Variants in CACNB4 observed in about 807,000 individuals in gnomAD.
The protein encoded by CACNB4 is calcium voltage-gated channel auxiliary subunit beta 4.
In CACNB4, 32 loss-of-function variants were observed where a neutral mutation model predicts 71.2. That is an observed-to-expected ratio of 0.45 (90% CI 0.34 to 0.60). CACNB4 has a LOEUF of 0.60. Ranked by LOEUF, CACNB4 falls within the 20% of genes least tolerant of loss-of-function variation. The probability of loss-of-function intolerance (pLI) is 0.01; values close to 1 mark genes in which losing one functional copy is unlikely to be tolerated. For synonymous variants in CACNB4, 231 were observed against 236.9 expected, an observed-to-expected ratio of 0.97 and a Z score of 0.23; for missense variants, 464 against 647.9, an observed-to-expected ratio of 0.72 and a Z score of 3.08.
chr2:152,001,748 C>T (rs78017228), intron 2 of CACNB4, among the ~76,000 whole-genome samples: 2,860 of 150,086 alleles, frequency 0.019, 36 homozygotes, highest in Middle Eastern at 0.028. Flanking sequence ...ATGAGTTTTA[C>T]GGGTAACAAG....
chr2:152,075,267 C>T (rs1035671167), intron 2 of CACNB4, among the ~76,000 whole-genome samples: 3 of 152,232 alleles, frequency 2.0e-5, no homozygotes, highest in Non-Finnish European at 1.5e-5. Flanking sequence ...GATGCCACAA[C>T]TGATTCCATC....
chr2:152,018,806 A>AACACACACACACACACACAC (rs10600477), intron 2 of CACNB4, among the ~76,000 whole-genome samples: 42 of 146,680 alleles, frequency 2.9e-4, no homozygotes, highest in African/African-American at 1.0e-3. Flanking sequence ...CCTGTCTCAA[A>AACACACACACACACACACAC]ACACACACAC....
At chr2:151,999,812 T>C (rs1394020965) in intron 2 of CACNB4, among the ~76,000 whole-genome samples, 1 of 152,226 alleles carries the variant, frequency 6.6e-6, no homozygotes, top group Non-Finnish European at 1.5e-5. Context: ...TATCAGTGTG[T>C]GCTTTGTTAA....
intron 2 of CACNB4, among the ~76,000 whole-genome samples, chr2:152,023,197 A>C (rs908886649): frequency 3.3e-5 from 5 of 152,080 alleles, no homozygotes; most frequent in Non-Finnish European, 2.9e-5. Flanking sequence ...AAACCATCAG[A>C]TCTCGTGATA....
chr2:151,882,725 T>C (rs1332742606), intron 3 of CACNB4, among the ~76,000 whole-genome samples: 1 of 152,240 alleles, frequency 6.6e-6, no homozygotes, highest in Non-Finnish European at 1.5e-5. Flanking sequence ...TCTTGTGGAA[T>C]ATCTGAAGGT....
chr2:151,967,457 A>G (rs1287466490), intron 2 of CACNB4: 1 of 144,450 alleles, frequency 6.9e-6, no homozygotes, highest in Non-Finnish European at 1.6e-5. Flanking sequence ...AGATATGCCC[A>G]ATAGAAGGCA....
intron 2 of CACNB4, among the ~76,000 whole-genome samples, chr2:151,895,001 A>G (rs953745424): frequency 6.6e-6 from 1 of 152,034 alleles, no homozygotes; most frequent in Admixed American, 6.6e-5. Flanking sequence ...AGCAATCTCC[A>G]GATTCACTGT....
intron 2 of CACNB4, among the ~76,000 whole-genome samples, chr2:152,005,514 C>A (rs1682671599): frequency 6.6e-6 from 1 of 152,062 alleles, no homozygotes; most frequent in South Asian, 2.1e-4. Flanking sequence ...ACAATGGAGA[C>A]TTCAAAAGGA....
intron 2 of CACNB4, among the ~76,000 whole-genome samples, chr2:152,054,235 GC>G (rs1260148052): frequency 6.6e-6 from 1 of 151,582 alleles, no homozygotes; most frequent in Non-Finnish European, 1.5e-5. Flanking sequence ...GCGTGGTGGC[GC>G]GCGCCTGTAG....
At chr2:151,898,169 G>A (rs555764204) in intron 2 of CACNB4, among the ~76,000 whole-genome samples, 49 of 152,318 alleles carry the variant, frequency 3.2e-4, no homozygotes, top group African/African-American at 1.0e-3. Context: ...CAAGAAGACA[G>A]TCAGTTCTGG....
At chr2:152,019,907 A>T (rs1683560657) in intron 2 of CACNB4, among the ~76,000 whole-genome samples, 1 of 152,218 alleles carries the variant, frequency 6.6e-6, no homozygotes. Flanking sequence ...AGTCAGCTGT[A>T]CCTATGGTTG....
chr2:151,870,713 G>A, intron 7 of CACNB4, 102 bp from the exon 8 acceptor site: 1 of 1,247,898 alleles, frequency 8.0e-7, no homozygotes, highest in Non-Finnish European at 1.2e-6. Flanking sequence ...AACGACAAAT[G>A]ATTATCAAAG....
intron 2 of CACNB4, among the ~76,000 whole-genome samples, chr2:151,960,604 G>A (rs2099869422): frequency 6.6e-6 from 1 of 152,160 alleles, no homozygotes; most frequent in Non-Finnish European, 1.5e-5. Context: ...TCCAGAGACT[G>A]GAGGGGCATG....
At chr2:152,045,614 AT>A (rs200541597) in intron 2 of CACNB4, among the ~76,000 whole-genome samples, 33 of 59,954 alleles carry the variant, frequency 5.5e-4, no homozygotes, top group African/African-American at 1.9e-3. Context: ...ATTTTACCAC[AT>A]TTTAAAAAAA....
intron 2 of CACNB4, among the ~76,000 whole-genome samples, chr2:151,935,859 A>G (rs1299917341): frequency 6.6e-6 from 1 of 152,214 alleles, no homozygotes; most frequent in African/African-American, 2.4e-5. Context: ...CTTTCCCTTC[A>G]AGGAATATAA....
chr2:152,048,498 GGA>G (rs1560161021), intron 2 of CACNB4: 1 of 152,218 alleles, frequency 6.6e-6, no homozygotes, highest in Non-Finnish European at 1.5e-5. Context: ...ACACTAAAAG[GGA>G]GAGAATAAAA....
rs2099848169 is a variant in CACNB4 at position 151,882,491 on chromosome 2, A to G, written c.267+760T>C. On this transcript the variant is annotated intron_variant, in intron 3 of 13. Coordinates refer to ENST00000539935, the MANE Select transcript of CACNB4 (RefSeq NM_000726.5). Reference sequence around the variant, plus strand: ...GAGTCTGTCACGTAGGGCAAAGAGGACAGGCCGGCCATGACCTTGTCTTGT... The same window carrying G: ...GAGTCTGTCACGTAGGGCAAAGAGGGCAGGCCGGCCATGACCTTGTCTTGT... Among the ~76,000 whole-genome samples the G allele has an allele frequency of 1.3e-5, 2 of 152,152 alleles. 1 individual carries two copies. The highest frequency in any genetic ancestry group is 4.1e-4 in the South Asian group (2 of 4,834).
chr2:151,855,437 A>G, intron 10 of CACNB4, 62 bp from the exon 11 acceptor site: 1 of 1,249,176 alleles, frequency 8.0e-7, no homozygotes, highest in South Asian at 1.5e-5. Flanking sequence ...TACATTAGAA[A>G]GATATAGTAT....
intron 2 of CACNB4, among the ~76,000 whole-genome samples, chr2:152,060,055 C>A (rs948007604): frequency 6.6e-6 from 1 of 152,182 alleles, no homozygotes; most frequent in Non-Finnish European, 1.5e-5. Context: ...TGAGGCCTCC[C>A]AAGACATGTG....
Sources: gnomAD v4.1 joint callset for allele counts (sites outside exome capture counted in the v4.1 genomes callset) on GRCh38, gnomAD v4.1.1 for gene constraint, MANE v1.5 for transcripts, NCBI Gene and HGNC (gene_info 2026-07-23, HGNC 2026-07-21) for gene names.